The following RANBP3 variants were observed in gnomAD, a reference collection of about 807,000 sequenced individuals.
The protein encoded by RANBP3 is ran-binding protein 3.
RANBP3 carries 14 observed loss-of-function variants against 77.3 expected under a neutral mutation model. The ratio of observed to expected loss-of-function variants is 0.18; its 90% CI spans 0.12 to 0.28. The LOEUF is 0.28. Ranked by LOEUF, RANBP3 falls within the 10% of genes least tolerant of loss-of-function variation. RANBP3 has a pLI of 1.00. For synonymous variants in RANBP3, 315 were observed against 312.4 expected (o/e 1.01, Z -0.09); for missense variants, 586 against 752.3 (o/e 0.78, Z 2.59).
rs1306769124 is a variant in RANBP3, at chr19:5,978,091, C to T, written c.-9G>A. On this transcript the variant is annotated 5_prime_UTR_variant, in exon 1 of 17. Coordinates refer to ENST00000340578, the MANE Select transcript of RANBP3 (RefSeq NM_007322.3). ...TTCGCCAGGTCCGCCATTTTACTTC[C>T]TTAAGCCCTCCCACAAGGCCCCGCG... is the stretch of plus-strand genomic sequence containing the variant. 2.5e-6 allele frequency: 4 copies of T among 1,609,686 alleles called. No individual in the cohort carries two copies. In the Admixed American group the frequency reaches 5.0e-5, roughly 20 times the overall value.
rs2058287643 is a variant in RANBP3, at chr19:5,952,480, G to C, written c.79-884C>G. On this transcript the variant is annotated intron_variant, in intron 2 of 16. Coordinates refer to ENST00000340578, the MANE Select transcript of RANBP3 (RefSeq NM_007322.3). The surrounding 1 kb of genome is among the most constrained non-coding windows in gnomAD (Gnocchi z 4.1). ...GAGAGCTCTGTGGCCGTAACTCCAA[G>C]ACTTTTCTTGAGAAATGGGTTAAAC... 6.6e-6 allele frequency among the ~76,000 whole-genome samples: 1 copy of C among 152,122 alleles called. No individual in the cohort carries two copies. The highest frequency in any genetic ancestry group is 6.5e-5 in the Admixed American group (1 of 15,280).
chr19:5,947,596 A>T (rs191422579), intron 3 of RANBP3, among the ~76,000 whole-genome samples: 1 of 152,344 alleles, frequency 6.6e-6, no homozygotes, highest in Non-Finnish European at 1.5e-5. Context: ...AGAAGACCAG[A>T]GGGCCCTTTG....
chr19:5,927,983 C>T lies in RANBP3; in HGVS notation c.798G>A (p.Leu266=), dbSNP rs769127054. Residue 266 remains leucine (L), a synonymous_variant, in exon 9 of 17, where the codon TTG becomes TTA. Transcript: ENST00000340578. ...GCTCACATACCTTAACTCTGTCCCT[C>T]AAGTTCTGCCCAAATACAAAGGCTT... The part of the protein sequence containing the change: ...TQQAFVFGQN[L]RDRVKLINES... 1 of 1,612,978 alleles carries T rather than the reference C, an allele frequency of 6.2e-7. No homozygotes were observed. Among genetic ancestry groups the T allele is most frequent in the African/African-American group, 1.3e-5 (1 of 74,958 alleles).
At chr19:5,961,696 G>C (rs2145228949) in intron 1 of RANBP3, among the ~76,000 whole-genome samples, 1 of 152,150 alleles carries the variant, frequency 6.6e-6, no homozygotes, top group South Asian at 2.1e-4. Context: ...TGGTGCCATT[G>C]CACTCCAGCC....
chr19:5,923,948 C>T (rs1233126510), intron 11 of RANBP3, 34 bp from the exon 12 acceptor site: 4 of 1,527,044 alleles, frequency 2.6e-6, no homozygotes, highest in Middle Eastern at 1.7e-4. Flanking sequence ...AGGAAGAGGG[C>T]ACTTGTGTGG....
chr19:5,921,319 C>A lies in RANBP3; in HGVS notation c.1212G>T (p.Met404Ile). 1 of 1,613,406 alleles carries A rather than the reference C, an allele frequency of 6.2e-7. No homozygotes were observed. The highest frequency in any genetic ancestry group is 8.5e-7 in the Non-Finnish European group (1 of 1,179,754). ...TGTCAAAGACAAACAGCTTGCACTG[C>A]ATCTGGAACACAGTGGCCGCCGGTA... ...GEEAESNVLQ[M>I]QCKLFVFDKT... The change falls in exon 14 of 17, where the codon ATG becomes ATT. Residue 404 changes from methionine to isoleucine, a missense_variant and splice_region_variant. Around this residue, in one of 5 missense-constraint regions of RANBP3, gnomAD observed 51 missense variants for 123.2 expected, o/e 0.41. Coordinates refer to ENST00000340578, the MANE Select transcript of RANBP3 (RefSeq NM_007322.3). This position sits in a 1 kb window ranked among gnomAD's most constrained non-coding sequence, Gnocchi z 5.3.
chr19:5,924,675 T>C lies in RANBP3; in HGVS notation c.996+152A>G, dbSNP rs1288637243. ...GGCCCTGGCCAGTTTTCAGGCTGAG[T>C]CTGAGCAGGGTCTTCCCTCTCTCAC... On this transcript the variant is annotated intron_variant, in intron 11 of 16. Transcript: ENST00000340578. This position sits in a 1 kb window ranked among gnomAD's most constrained non-coding sequence, Gnocchi z 4.7. 2.0e-5 allele frequency: 16 copies of C among 811,530 alleles called. No individual in the cohort carries two copies. The highest frequency in any genetic ancestry group is 3.1e-5 in the Non-Finnish European group (15 of 484,724). 50.3% of individuals were successfully genotyped at this position (811,530 alleles called of 1,614,324 possible).
At chr19:5,936,211 G>C (rs1455103943) in intron 5 of RANBP3, among the ~76,000 whole-genome samples, 2 of 152,250 alleles carry the variant, frequency 1.3e-5, no homozygotes, top group African/African-American at 2.4e-5. Flanking sequence ...GTGCAGGGTG[G>C]GGAGGAGGCT....
intron 5 of RANBP3, among the ~76,000 whole-genome samples, chr19:5,940,822 C>T (rs1006324433): frequency 2.6e-5 from 4 of 152,218 alleles, no homozygotes; most frequent in African/African-American, 4.8e-5. Flanking sequence ...AAGACGGGGA[C>T]GAGAGAATAG....
rs933319390 is a variant in RANBP3, at chr19:5,921,856, G to A, written c.1210-535C>T. 2.0e-5 allele frequency among the ~76,000 whole-genome samples: 3 copies of A among 152,194 alleles called. No homozygotes were observed. Among genetic ancestry groups the A allele is most frequent in the African/African-American group, 7.2e-5 (3 of 41,438 alleles). On this transcript the variant is annotated intron_variant, in intron 13 of 16. Transcript: ENST00000340578. The surrounding 1 kb of genome is among the most constrained non-coding windows in gnomAD (Gnocchi z 5.3). ...GACACACATGGTCCGCCCCTACAGC[G>A]CATCTCACTCAGTCTTAATAAAGAA...
intron 4 of RANBP3, 36 bp from the exon 5 acceptor site, chr19:5,941,743 AG>A: frequency 1.2e-6 from 2 of 1,612,382 alleles, no homozygotes; most frequent in Non-Finnish European, 1.7e-6. Context: ...GAGAAAAATC[AG>A]GTTGCTTCTG....
At chr19:5,954,368 T>C (rs2058310849) in intron 2 of RANBP3, among the ~76,000 whole-genome samples, 1 of 152,180 alleles carries the variant, frequency 6.6e-6, no homozygotes, top group African/African-American at 2.4e-5. Context: ...AAACATGGAC[T>C]ATATACTGGA....
At chr19:5,927,063 GACA>G (rs1472621836) in intron 9 of RANBP3, among the ~76,000 whole-genome samples, 1 of 152,124 alleles carries the variant, frequency 6.6e-6, no homozygotes, top group African/African-American at 2.4e-5. Context: ...TCCCAGTTGT[GACA>G]ACCACAAAAG....
At chr19:5,932,807 G>A (rs764674697) in intron 6 of RANBP3, 14 of 482,894 alleles carry the variant, frequency 2.9e-5, no homozygotes, top group Admixed American at 1.2e-4. Flanking sequence ...GCGGGGCGCC[G>A]GCAGACTCAA....
intron 1 of RANBP3, among the ~76,000 whole-genome samples, chr19:5,973,798 T>C (rs1187820987): frequency 6.6e-6 from 1 of 152,208 alleles, no homozygotes; most frequent in East Asian, 1.9e-4. Flanking sequence ...AAACAATGTA[T>C]GTGCACTCAT....
At chr19:5,927,338 T>A (rs2057925339) in intron 9 of RANBP3, among the ~76,000 whole-genome samples, 1 of 152,080 alleles carries the variant, frequency 6.6e-6, no homozygotes, top group Non-Finnish European at 1.5e-5. Flanking sequence ...TTGCTCCCTT[T>A]CAGGAGAGAA....
At chr19:5,920,010 A>C (rs1028563764) in intron 14 of RANBP3, among the ~76,000 whole-genome samples, 1 of 152,130 alleles carries the variant, frequency 6.6e-6, no homozygotes, top group African/African-American at 2.4e-5. Context: ...AAGTGCATGA[A>C]CACTACCCTT....
At chr19:5,922,286 T>G (rs1202169471) in intron 13 of RANBP3, among the ~76,000 whole-genome samples, 2 of 152,224 alleles carry the variant, frequency 1.3e-5, no homozygotes, top group Admixed American at 6.5e-5. Flanking sequence ...CCTACATGGC[T>G]TTCCACATAC....
intron 1 of RANBP3, among the ~76,000 whole-genome samples, chr19:5,971,493 T>C (rs1262806149): frequency 6.6e-6 from 1 of 152,192 alleles, no homozygotes; most frequent in Admixed American, 6.5e-5. Context: ...CTATAGTTCA[T>C]CTGTTGGCAT....
Sources: allele counts gnomAD v4.1 joint callset (sites outside exome capture counted in the v4.1 genomes callset), GRCh38; gene constraint gnomAD v4.1.1; regional missense constraint gnomAD v4.1.1; non-coding constraint Gnocchi (gnomAD v3.1); transcripts MANE v1.5; gene names NCBI Gene and HGNC (gene_info 2026-07-23, HGNC 2026-07-21).